ST6GALNAC3: variants seen among roughly 807,000 people sequenced by gnomAD.
The protein encoded by ST6GALNAC3 is alpha-N-acetylgalactosaminide alpha-2,6-sialyltransferase 3.
ST6GALNAC3 carries 25 observed loss-of-function variants against 32.7 expected under a neutral mutation model. The observed-to-expected ratio is 0.76, with a 90% CI of 0.56 to 1.07. The LOEUF is 1.07. Ranked by LOEUF, ST6GALNAC3 falls within the 50% of genes least tolerant of loss-of-function variation. The pLI is 0.00. For synonymous variants in ST6GALNAC3, 129 were observed against 133.1 expected (o/e 0.97, Z 0.21); for missense variants, 355 against 382.4 (o/e 0.93, Z 0.60).
chr1:76,486,907 T>G (rs1018268091), intron 3 of ST6GALNAC3, among the ~76,000 whole-genome samples: 2 of 152,196 alleles, frequency 1.3e-5, no homozygotes, highest in South Asian at 2.1e-4. Context: ...AGGAGCTCTT[T>G]TAGGGCAGGC....
chr1:76,163,748 GA>G (rs1445053126), intron 1 of ST6GALNAC3, among the ~76,000 whole-genome samples: 5 of 152,274 alleles, frequency 3.3e-5, no homozygotes, highest in Non-Finnish European at 7.4e-5. Flanking sequence ...GGATGGTTAT[GA>G]AAATTCAAGC....
chr1:76,213,642 C>T (rs1472585518), intron 1 of ST6GALNAC3, among the ~76,000 whole-genome samples: 1 of 152,184 alleles, frequency 6.6e-6, no homozygotes, highest in East Asian at 1.9e-4. Flanking sequence ...TGCTAATTTA[C>T]AGGCCAGCAG....
chr1:76,414,843 C>T (rs1272719767), intron 3 of ST6GALNAC3, among the ~76,000 whole-genome samples: 2 of 152,078 alleles, frequency 1.3e-5, no homozygotes, highest in African/African-American at 2.4e-5. Context: ...TAAAAATCAA[C>T]AATTCTGCCT....
chr1:76,441,563 ATTACAG>A (rs1272171950), intron 3 of ST6GALNAC3, among the ~76,000 whole-genome samples: 1 of 152,196 alleles, frequency 6.6e-6, no homozygotes, highest in Non-Finnish European at 1.5e-5. Context: ...ATGTAACGTA[ATTACAG>A]CATGATGAAT....
At chr1:76,323,287 A>C (rs1280907065) in intron 2 of ST6GALNAC3, among the ~76,000 whole-genome samples, 1 of 152,258 alleles carries the variant, frequency 6.6e-6, no homozygotes, top group Non-Finnish European at 1.5e-5. Flanking sequence ...ACTAGAAATA[A>C]ATAAATAAAA....
chr1:76,455,393 G>A (rs1241355024), intron 3 of ST6GALNAC3, among the ~76,000 whole-genome samples: 1 of 152,114 alleles, frequency 6.6e-6, no homozygotes, highest in Non-Finnish European at 1.5e-5. Flanking sequence ...TTGAGTGGAA[G>A]GTTTTATGTT....
Position 76,489,281 on chromosome 1 carries a change from G to GGTGT in ST6GALNAC3, c.623+76879_623+76882dup, listed in dbSNP as rs369016477. On this transcript the variant is annotated intron_variant, in intron 3 of 4. Coordinates refer to ENST00000328299, the MANE Select transcript of ST6GALNAC3 (RefSeq NM_152996.4). ...ACTGTTGGAAGAAACATATTTTGCA[G>GGTGT]GTGTGTGTGTGTGTGTGTAAAACTA... Among the ~76,000 whole-genome samples, 414 of 151,126 alleles carry GGTGT rather than the reference G, an allele frequency of 2.7e-3. 1 individual carries two copies. The highest frequency in any genetic ancestry group is 9.6e-3 in the African/African-American group (396 of 41,244).
At chr1:76,149,972 G>T (rs1259818619) in intron 1 of ST6GALNAC3, among the ~76,000 whole-genome samples, 1 of 152,158 alleles carries the variant, frequency 6.6e-6, no homozygotes, top group East Asian at 1.9e-4. Context: ...TCACCTGGTT[G>T]ATTCCTCCTA....
At chr1:76,548,070 A>T (rs76678390) in intron 3 of ST6GALNAC3, among the ~76,000 whole-genome samples, 3,634 of 152,202 alleles carry the variant, frequency 0.024, 65 homozygotes, top group Non-Finnish European at 0.035. Context: ...CAAAGCCTTC[A>T]TAGTGCCATT....
chr1:76,253,478 G>C (rs906879735), intron 1 of ST6GALNAC3, among the ~76,000 whole-genome samples: 7 of 152,086 alleles, frequency 4.6e-5, no homozygotes, highest in African/African-American at 1.7e-4. Flanking sequence ...TTTCATGAGA[G>C]CAAGATGGAA....
intron 3 of ST6GALNAC3, among the ~76,000 whole-genome samples, chr1:76,417,022 G>A (rs1354306989): frequency 6.6e-6 from 1 of 152,002 alleles, no homozygotes; most frequent in Non-Finnish European, 1.5e-5. Flanking sequence ...AATAAGTTTA[G>A]GCCAACTCAC....
At chr1:76,443,187 C>T (rs1269566305) in intron 3 of ST6GALNAC3, among the ~76,000 whole-genome samples, 1 of 152,102 alleles carries the variant, frequency 6.6e-6, no homozygotes, top group Non-Finnish European at 1.5e-5. Flanking sequence ...CAGGGTCTCA[C>T]TCTGTCCAAG....
chr1:76,123,749 A>ATTTTTTTTTTTTTTTTTTTTTTTTTTTT, intron 1 of ST6GALNAC3, among the ~76,000 whole-genome samples: 1 of 94,290 alleles, frequency 1.1e-5, no homozygotes, highest in Non-Finnish European at 1.9e-5. Context: ...ACTCATTTTA[A>ATTTTTTTTTTTTTTTTTTTTTTTTTTTT]TTTTTTTTTT....
chr1:76,156,396 C>T (rs899636305), intron 1 of ST6GALNAC3, among the ~76,000 whole-genome samples: 8 of 152,120 alleles, frequency 5.3e-5, no homozygotes, highest in African/African-American at 9.7e-5. Context: ...TACCTATAAA[C>T]ATTTTTGAAA....
At chr1:76,487,746 C>T (rs922152783) in intron 3 of ST6GALNAC3, among the ~76,000 whole-genome samples, 4 of 152,170 alleles carry the variant, frequency 2.6e-5, no homozygotes, top group Non-Finnish European at 4.4e-5. Flanking sequence ...ATTCTCCATC[C>T]ACCTTTGTTC....
chr1:76,378,476 A>G (rs1276062743), intron 2 of ST6GALNAC3, among the ~76,000 whole-genome samples: 2 of 152,084 alleles, frequency 1.3e-5, no homozygotes, highest in African/African-American at 4.8e-5. Context: ...AGCCTGACCA[A>G]TATGAGGAAA....
chr1:76,475,303 T>C (rs975680289), intron 3 of ST6GALNAC3, among the ~76,000 whole-genome samples: 1 of 152,178 alleles, frequency 6.6e-6, no homozygotes, highest in African/African-American at 2.4e-5. Flanking sequence ...ACTTACTAAC[T>C]GTGAGACCCT....
rs576381755 is a variant in ST6GALNAC3 at position 76,621,026 on chromosome 1, A to G, written c.624-6426A>G. On this transcript the variant is annotated intron_variant, in intron 3 of 4. Transcript: ENST00000328299. ...GAAATTTTTCTAAGTGGTATCTTCT[A>G]TTTCTATAGCAGCCATAAATCATAC... 4.7e-4 allele frequency among the ~76,000 whole-genome samples: 72 copies of G among 152,166 alleles called. 1 individual carries two copies. The highest frequency in any genetic ancestry group is 6.7e-4 in the African/African-American group (28 of 41,548).
chr1:76,447,335 G>A (rs1315125688), intron 3 of ST6GALNAC3, among the ~76,000 whole-genome samples: 1 of 152,194 alleles, frequency 6.6e-6, no homozygotes, highest in Non-Finnish European at 1.5e-5. Flanking sequence ...AAGCATTCAA[G>A]AGGTGACTTG....
Sources: gnomAD v4.1 joint callset for allele counts (sites outside exome capture counted in the v4.1 genomes callset) on GRCh38, gnomAD v4.1.1 for gene constraint, MANE v1.5 for transcripts, NCBI Gene and HGNC (gene_info 2026-07-23, HGNC 2026-07-21) for gene names.